Variants in GRID1 observed in about 807,000 individuals in gnomAD.
GRID1 encodes glutamate receptor ionotropic, delta-1.
A neutral mutation model predicts 98.0 loss-of-function variants in GRID1; 28 were observed. The ratio of observed to expected loss-of-function variants is 0.29; its 90% CI spans 0.21 to 0.39. The LOEUF is 0.39. Ranked by LOEUF, GRID1 falls within the 10% of genes least tolerant of loss-of-function variation. The pLI, the probability that GRID1 is intolerant of heterozygous loss-of-function variation, is 1.00. For missense variants in GRID1, 1,111 were observed against 1,340.5 expected (o/e 0.83, Z 2.67); for synonymous variants, 553 against 538.5 (o/e 1.03, Z -0.37).
chr10:86,158,541 A>C (rs1299339362), intron 3 of GRID1, among the ~76,000 whole-genome samples: 2 of 152,162 alleles, frequency 1.3e-5, no homozygotes, highest in African/African-American at 4.8e-5. Context: ...CCCACTTGAA[A>C]GGGCTCCCAG....
In GRID1 at chr10:85,729,697, T is replaced by C. The variant is rs1841802190; in HGVS notation, c.1234-83A>G. On this transcript the variant is annotated intron_variant, in intron 8 of 15. Coordinates refer to ENST00000327946, the MANE Select transcript of GRID1 (RefSeq NM_017551.3). ...GACCTCGGCTCCTACACTGGGATCCTGAATTAGGCAGGTAGGTGAACAGTA... is the reference window on the plus strand; with the variant it reads ...GACCTCGGCTCCTACACTGGGATCCCGAATTAGGCAGGTAGGTGAACAGTA... The C allele has an allele frequency of 2.5e-5, 20 of 801,716 alleles. No homozygotes were observed. The South Asian group carries it at 3.2e-4, about 13-fold the overall frequency. 49.7% of individuals were successfully genotyped at this position (801,716 alleles called of 1,614,324 possible). A position where few individuals can be genotyped will look rare whatever the true frequency, so the allele number is the denominator to read the frequency against.
At chr10:86,155,498 A>T (rs1845232183) in intron 3 of GRID1, among the ~76,000 whole-genome samples, 1 of 152,272 alleles carries the variant, frequency 6.6e-6, no homozygotes, top group East Asian at 1.9e-4. Flanking sequence ...GAAAGCATTT[A>T]GAGTTAATCC....
Position 85,602,018 on chromosome 10 carries a change from T to C in GRID1, c.*255A>G. ...CACAAGTAATTTGCCTTTTTATTCA[T>C]ATAGAACAAAATTTACAAAGTCATT... On this transcript the variant is annotated 3_prime_UTR_variant, in exon 16 of 16. Transcript: ENST00000327946. 1 of 416,322 alleles carries C rather than the reference T, an allele frequency of 2.4e-6. No individual in the cohort carries two copies. The highest frequency in any genetic ancestry group is 3.4e-5 in the East Asian group (1 of 29,288). The allele number at this position is 416,322 out of a possible 1,614,324, so 25.8% of individuals were successfully genotyped here.
At position 85,619,929 on chromosome 10, in the gene GRID1, G is replaced by T; in HGVS notation, c.2298C>A (p.Ser766Arg). 3 of 1,614,144 alleles carry T rather than the reference G, an allele frequency of 1.9e-6. No individual in the cohort carries two copies. Among genetic ancestry groups the T allele is most frequent in the Non-Finnish European group, 2.5e-6 (3 of 1,179,968 alleles). Residue 766 changes from serine (S) to arginine (R), a missense_variant, in exon 14 of 16, where the codon AGC (serine) becomes AGA (arginine). Physicochemically the swap from Ser to Arg is moderately radical, Grantham distance 110 (BLOSUM62 -1). Coordinates refer to ENST00000327946, the MANE Select transcript of GRID1 (RefSeq NM_017551.3). ...CSVTVIGNSI[S>R]SKGYGIALQH... ...GCAGGGCAATCCCGTAACCCTTGCT[G>T]CTGATGCTGTTGCCGATGACAGTCA...
At chr10:85,874,726 C>G (rs1360142268) in intron 5 of GRID1, among the ~76,000 whole-genome samples, 1 of 152,152 alleles carries the variant, frequency 6.6e-6, no homozygotes, top group Non-Finnish European at 1.5e-5. Flanking sequence ...TCAGTTTGTA[C>G]TACATGAACG....
At chr10:85,956,005 G>C (rs74148855) in intron 4 of GRID1, among the ~76,000 whole-genome samples, 2,068 of 152,192 alleles carry the variant, frequency 0.014, 50 homozygotes, top group African/African-American at 0.047. Flanking sequence ...TCACCTCCAG[G>C]CTCCCTGGCA....
At chr10:86,098,246 A>T (rs1844249053) in intron 4 of GRID1, among the ~76,000 whole-genome samples, 1 of 152,148 alleles carries the variant, frequency 6.6e-6, no homozygotes, top group East Asian at 1.9e-4. Flanking sequence ...CATTGTTAAC[A>T]TTTTCTGTTT....
chr10:86,204,649 G>C (rs902410994), intron 3 of GRID1, among the ~76,000 whole-genome samples: 1 of 152,234 alleles, frequency 6.6e-6, no homozygotes, highest in African/African-American at 2.4e-5. Context: ...GGGCAGGCTA[G>C]AGAGCTGATC....
intron 2 of GRID1, among the ~76,000 whole-genome samples, chr10:86,265,873 G>A (rs1475633260): frequency 1.3e-5 from 2 of 151,478 alleles, no homozygotes; most frequent in East Asian, 3.8e-4. Context: ...TGACCCTGAG[G>A]ATCTGCAAAG....
intron 8 of GRID1, among the ~76,000 whole-genome samples, chr10:85,775,116 C>T (rs867769995): frequency 6.6e-6 from 1 of 152,014 alleles, no homozygotes; most frequent in Admixed American, 6.6e-5. Flanking sequence ...GAAAATGTGG[C>T]ACATATACAC....
Position 86,311,302 on chromosome 10 carries a change from G to A in GRID1, c.235+52639C>T, listed in dbSNP as rs78559995. On this transcript the variant is annotated intron_variant, in intron 2 of 15. Coordinates refer to ENST00000327946, the MANE Select transcript of GRID1 (RefSeq NM_017551.3). ...AAAGGCCATGCTCTTTCCACTGCAC[G>A]GTGCAGCTTCAGCAAGCAGGAGGAG... Among the ~76,000 whole-genome samples, 533 of 152,260 alleles carry A rather than the reference G, an allele frequency of 3.5e-3. 2 individuals are homozygous for A. Among genetic ancestry groups the A allele is most frequent in the African/African-American group, 0.012 (509 of 41,540 alleles).
chr10:85,665,163 C>G (rs1010459195), intron 12 of GRID1, among the ~76,000 whole-genome samples: 1 of 152,148 alleles, frequency 6.6e-6, no homozygotes, highest in African/African-American at 2.4e-5. Context: ...GACTCCTTCT[C>G]TATTGGACAA....
chr10:85,609,703 G>A (rs180688020), intron 15 of GRID1, among the ~76,000 whole-genome samples: 1 of 152,250 alleles, frequency 6.6e-6, no homozygotes, highest in East Asian at 1.9e-4. Flanking sequence ...AACCGGGCCA[G>A]GGGAGGGCAG....
At chr10:85,765,949 A>T (rs1241816652) in intron 8 of GRID1, among the ~76,000 whole-genome samples, 1 of 152,206 alleles carries the variant, frequency 6.6e-6, no homozygotes, top group Non-Finnish European at 1.5e-5. Context: ...CATAGAAAAC[A>T]TATTGCTGGC....
chr10:85,943,863 T>A (rs961546434), intron 4 of GRID1, among the ~76,000 whole-genome samples: 1 of 152,218 alleles, frequency 6.6e-6, no homozygotes, highest in African/African-American at 2.4e-5. Flanking sequence ...AGGAGAGATA[T>A]CTACTTCCCC....
intron 3 of GRID1, among the ~76,000 whole-genome samples, chr10:86,157,448 C>G (rs556771000): frequency 6.6e-6 from 1 of 152,162 alleles, no homozygotes; most frequent in Non-Finnish European, 1.5e-5. Context: ...TCGGAGGGCT[C>G]AAGGGTGATG....
chr10:86,078,596 C>T (rs1398784146), intron 4 of GRID1, among the ~76,000 whole-genome samples: 2 of 152,228 alleles, frequency 1.3e-5, no homozygotes, highest in Admixed American at 1.3e-4. Context: ...TCTTGTCTTC[C>T]CTGAGCAAGG....
intron 8 of GRID1, among the ~76,000 whole-genome samples, chr10:85,800,711 T>A (rs1050412439): frequency 6.6e-6 from 1 of 152,110 alleles, no homozygotes; most frequent in African/African-American, 2.4e-5. Context: ...CAATTATTTA[T>A]TTACTTAATA....
At chr10:86,158,844 G>A (rs907322333) in intron 3 of GRID1, among the ~76,000 whole-genome samples, 8 of 152,304 alleles carry the variant, frequency 5.3e-5, no homozygotes, top group Admixed American at 1.3e-4. Context: ...GTGTAAAGCC[G>A]AGGTTGAATT....
Sources: gnomAD v4.1 joint callset for allele counts (sites outside exome capture counted in the v4.1 genomes callset) on GRCh38, gnomAD v4.1.1 for gene constraint, MANE v1.5 for transcripts, NCBI Gene and HGNC (gene_info 2026-07-23, HGNC 2026-07-21) for gene names.